Variants in XPR1 observed in about 807,000 individuals in gnomAD.
XPR1 encodes the protein xenotropic and polytropic retrovirus receptor 1.
In XPR1, 28 loss-of-function variants were observed where a neutral mutation model predicts 87.5. The observed-to-expected ratio is 0.32, with a 90% CI of 0.24 to 0.44. The LOEUF (loss-of-function observed/expected upper bound fraction) is 0.44. XPR1 is among the 20% of genes least tolerant of loss of function. The probability of loss-of-function intolerance (pLI) is 1.00; values close to 1 mark genes in which losing one functional copy is unlikely to be tolerated. For synonymous variants in XPR1, 300 were observed against 306.1 expected (o/e 0.98, Z 0.21); for missense variants, 559 against 862.3 (o/e 0.65, Z 4.41).
chr1:180,727,678 A>G (rs1360648964), intron 2 of XPR1, among the ~76,000 whole-genome samples: 1 of 152,200 alleles, frequency 6.6e-6, no homozygotes, highest in African/African-American at 2.4e-5. Context: ...AAAAAACGAA[A>G]GAAAGTAAAG....
At chr1:180,815,581 A>G (rs917675767) in intron 7 of XPR1, among the ~76,000 whole-genome samples, 4 of 152,194 alleles carry the variant, frequency 2.6e-5, no homozygotes, top group African/African-American at 9.6e-5. Context: ...AGGGGACATG[A>G]CCTAGTATTT....
At chr1:180,721,508 G>T (rs1658178833) in intron 2 of XPR1, among the ~76,000 whole-genome samples, 1 of 152,170 alleles carries the variant, frequency 6.6e-6, no homozygotes, top group Non-Finnish European at 1.5e-5. Flanking sequence ...TTTGAGCCAG[G>T]ATTGAAACCG....
intron 2 of XPR1, among the ~76,000 whole-genome samples, chr1:180,726,999 C>G (rs954203707): frequency 4.6e-5 from 7 of 151,986 alleles, no homozygotes; most frequent in South Asian, 2.1e-4. Context: ...CTCAGCCTCC[C>G]GAGTAGCTGG....
chr1:180,777,163 C>G (rs1648754915), intron 2 of XPR1, among the ~76,000 whole-genome samples: 1 of 152,130 alleles, frequency 6.6e-6, no homozygotes, highest in African/African-American at 2.4e-5. Context: ...GCACTAAAAC[C>G]TACTGATTTT....
intron 13 of XPR1, chr1:180,878,283 CAAAA>C (rs1324708146): frequency 5.3e-5 from 8 of 152,078 alleles, no homozygotes; most frequent in Non-Finnish European, 1.0e-4. Flanking sequence ...TTAAAACAAA[CAAAA>C]AAACCATCTT....
intron 1 of XPR1, among the ~76,000 whole-genome samples, chr1:180,634,556 GA>G (rs1456285021): frequency 6.6e-6 from 1 of 152,070 alleles, no homozygotes; most frequent in Non-Finnish European, 1.5e-5. Flanking sequence ...TAGAGAAAAG[GA>G]CCTTTTCATA....
chr1:180,882,668 T>G (rs964690766), intron 14 of XPR1, among the ~76,000 whole-genome samples: 4 of 152,186 alleles, frequency 2.6e-5, no homozygotes, highest in Admixed American at 1.3e-4. Flanking sequence ...CTGATTTTAT[T>G]GTTGGTATTT....
chr1:180,798,714 A>G (rs1329791054), intron 3 of XPR1, among the ~76,000 whole-genome samples: 1 of 152,128 alleles, frequency 6.6e-6, no homozygotes, highest in Non-Finnish European at 1.5e-5. Context: ...CCTGAGTTCA[A>G]GTGAATCTCA....
intron 7 of XPR1, among the ~76,000 whole-genome samples, chr1:180,811,704 C>T (rs551374074): frequency 1.3e-5 from 2 of 152,090 alleles, no homozygotes; most frequent in South Asian, 4.1e-4. Context: ...TAAAACATTG[C>T]TCATGTATGA....
chr1:180,711,484 C>T (rs556783076), intron 2 of XPR1, among the ~76,000 whole-genome samples: 10 of 152,188 alleles, frequency 6.6e-5, no homozygotes, highest in African/African-American at 1.7e-4. Flanking sequence ...CATCGCGGCG[C>T]GCGCCTGCAA....
chr1:180,750,645 G>A (rs1304113114), intron 2 of XPR1, among the ~76,000 whole-genome samples: 1 of 151,980 alleles, frequency 6.6e-6, no homozygotes, highest in Non-Finnish European at 1.5e-5. Flanking sequence ...CTTCATTACT[G>A]TAGCTTTATA....
At chr1:180,692,851 G>A (rs1657035487) in intron 2 of XPR1, among the ~76,000 whole-genome samples, 1 of 152,094 alleles carries the variant, frequency 6.6e-6, no homozygotes, top group South Asian at 2.1e-4. Flanking sequence ...CATACAGGTA[G>A]GAAGCTGGAA....
rs139209578 is a variant in XPR1, at chr1:180,836,665, T to A, written c.1450T>A (p.Ser484Thr). Residue 484 changes from serine to threonine, a missense_variant, in exon 11 of 15, where the codon TCC becomes ACC. Transcript: ENST00000367590. Reference sequence around the variant, plus strand: ...TCATTTAGTTAATGCTGGCAAATACTCCACAACTTTCTTCATGGTGACGTT... The same window carrying A: ...TCATTTAGTTAATGCTGGCAAATACACCACAACTTTCTTCATGGTGACGTT... ...FPHLVNAGKY[S>T]TTFFMVTFAA... 1.9e-6 allele frequency: 3 copies of A among 1,614,060 alleles called. No homozygotes were observed. The African/African-American group carries it at 4.0e-5, about 22-fold the overall frequency.
chr1:180,674,255 G>T (rs976727290), intron 1 of XPR1, among the ~76,000 whole-genome samples: 1 of 152,086 alleles, frequency 6.6e-6, no homozygotes, highest in Non-Finnish European at 1.5e-5. Flanking sequence ...TGTTGTTGTT[G>T]TTTGTTTTTG....
At chr1:180,762,951 C>G (rs1352884626) in intron 2 of XPR1, among the ~76,000 whole-genome samples, 1 of 152,094 alleles carries the variant, frequency 6.6e-6, no homozygotes, top group East Asian at 1.9e-4. Flanking sequence ...GCATGGATCA[C>G]CAGCGACATT....
chr1:180,661,373 T>C (rs1387941629), intron 1 of XPR1, among the ~76,000 whole-genome samples: 2 of 152,142 alleles, frequency 1.3e-5, no homozygotes, highest in East Asian at 3.8e-4. Context: ...TAAGGACTTT[T>C]GCCATTTCGT....
chr1:180,847,695 T>C lies in XPR1; in HGVS notation c.1501+10979T>C, dbSNP rs994983675. Among the ~76,000 whole-genome samples, 4 of 152,162 alleles carry C rather than the reference T, an allele frequency of 2.6e-5. No individual in the cohort carries two copies. In the East Asian group the frequency reaches 7.7e-4, roughly 29 times the overall value. ...TTAGGGAAGGGATTTTCATTATAGA[T>C]GTGGAAGAATTTAAAATAATTATGA... On this transcript the variant is annotated intron_variant, in intron 11 of 14. Transcript: ENST00000367590.
intron 11 of XPR1, among the ~76,000 whole-genome samples, chr1:180,847,285 A>G (rs1183010068): frequency 6.6e-6 from 1 of 152,184 alleles, no homozygotes; most frequent in Non-Finnish European, 1.5e-5. Context: ...TAATTTTTAA[A>G]TCTGTCATTA....
chr1:180,695,450 G>A (rs61809334), intron 2 of XPR1, among the ~76,000 whole-genome samples: 8,140 of 141,980 alleles, frequency 0.057, 312 homozygotes, highest in Non-Finnish European at 0.081. Flanking sequence ...GTATGCGCGC[G>A]CACGCGCGCG....
Sources: gnomAD v4.1 joint callset for allele counts (sites outside exome capture counted in the v4.1 genomes callset) on GRCh38, gnomAD v4.1.1 for gene constraint, MANE v1.5 for transcripts, NCBI Gene and HGNC (gene_info 2026-07-23, HGNC 2026-07-21) for gene names.